ANOS1: variants seen among roughly 807,000 people sequenced by gnomAD.
The protein encoded by ANOS1 is anosmin-1.
A neutral mutation model predicts 59.0 loss-of-function variants in ANOS1; 6 were observed. The ratio of observed to expected loss-of-function variants is 0.10; its 90% CI spans 0.06 to 0.20. ANOS1 has a LOEUF of 0.20. Among genes scored for constraint, ANOS1 ranks in the 10% least tolerant of loss-of-function variants. The probability of loss-of-function intolerance (pLI) is 1.00; values close to 1 mark genes in which losing one functional copy is unlikely to be tolerated. For synonymous variants in ANOS1, 217 were observed against 223.4 expected (o/e 0.97, Z 0.25); for missense variants, 433 against 542.3 (o/e 0.80, Z 2.00).
intron 8 of ANOS1, among the ~76,000 whole-genome samples, chrX:8,564,350 A>T (rs909073528): frequency 1.5e-4 from 17 of 111,828 alleles, no homozygotes; most frequent in African/African-American, 5.5e-4. Context: ...TTGAGAAAAA[A>T]TGTGGAAAGG....
chrX:8,676,870 C>A (rs887220265), intron 2 of ANOS1, among the ~76,000 whole-genome samples: 1 of 111,778 alleles, frequency 8.9e-6, no homozygotes, highest in African/African-American at 3.3e-5. Flanking sequence ...ACAATCATAA[C>A]CTCAGAAACT....
In ANOS1 at chrX:8,535,590, C is replaced by T. The variant is rs774780304; in HGVS notation, c.1842+1G>A. On this transcript the variant is annotated splice_donor_variant, in intron 12 of 13. Transcript: ENST00000262648. LOFTEE classifies it high-confidence loss of function. ...GACATAGTACAAGAGGTGGGACCTA[C>T]GGAAGGCAGGATCTGGGACTGTGAA... 5.0e-6 allele frequency: 6 copies of T among 1,194,087 alleles called. No homozygotes were observed. The highest frequency in any genetic ancestry group is 2.2e-5 in the Admixed American group (1 of 46,023).
chrX:8,723,846 G>A (rs1325489157), intron 1 of ANOS1, among the ~76,000 whole-genome samples: 2 of 111,631 alleles, frequency 1.8e-5, no homozygotes. Context: ...GACCTGCCAT[G>A]TAGTACTGTC....
At chrX:8,581,787 C>A (rs2146814884) in intron 6 of ANOS1, among the ~76,000 whole-genome samples, 1 of 111,944 alleles carries the variant, frequency 8.9e-6, no homozygotes, top group Non-Finnish European at 1.9e-5. Flanking sequence ...AACTTCCATA[C>A]CATAAAATTG....
At chrX:8,610,156 A>T (rs371932467) in intron 3 of ANOS1, among the ~76,000 whole-genome samples, 2 of 110,627 alleles carry the variant, frequency 1.8e-5, no homozygotes. Flanking sequence ...GGCTGATAAC[A>T]TCACTTATAA....
chrX:8,684,736 G>T (rs1440436466), intron 2 of ANOS1, among the ~76,000 whole-genome samples: 1 of 108,263 alleles, frequency 9.2e-6, no homozygotes, highest in Non-Finnish European at 1.9e-5. Flanking sequence ...TAATAGTCCC[G>T]AAGCCATTGT....
At chrX:8,672,469 G>A (rs1212669734) in intron 2 of ANOS1, among the ~76,000 whole-genome samples, 2 of 112,622 alleles carry the variant, frequency 1.8e-5, no homozygotes, top group Non-Finnish European at 3.8e-5. Flanking sequence ...AACCACACAA[G>A]AGAGTTTCCT....
chrX:8,544,082 T>C (rs1929728125), intron 9 of ANOS1, among the ~76,000 whole-genome samples: 1 of 109,397 alleles, frequency 9.1e-6, no homozygotes, highest in Admixed American at 9.8e-5. Flanking sequence ...ATGGGTCTAA[T>C]TTTCTTTTCA....
intron 6 of ANOS1, among the ~76,000 whole-genome samples, chrX:8,572,723 T>C (rs1267230078): frequency 1.8e-5 from 2 of 111,947 alleles, no homozygotes; most frequent in Non-Finnish European, 3.8e-5. Context: ...ATCTCTGGAA[T>C]GTCCAAGACT....
At chrX:8,607,349 T>A (rs902555856) in intron 3 of ANOS1, among the ~76,000 whole-genome samples, 2 of 112,026 alleles carry the variant, frequency 1.8e-5, no homozygotes, top group African/African-American at 6.5e-5. Flanking sequence ...ATTATAGACA[T>A]TGGCCATGGA....
In ANOS1 at chrX:8,638,683, G is replaced by A. The variant is rs771084526; in HGVS notation, c.256-15013C>T. On this transcript the variant is annotated intron_variant, in intron 2 of 13. Coordinates refer to ENST00000262648, the MANE Select transcript of ANOS1 (RefSeq NM_000216.4). ...AACCAGGCAAAAGCAGGTGGGATGA[G>A]AGAAGAGTATGTTCCAGATAGATTT... 3.6e-5 allele frequency among the ~76,000 whole-genome samples: 4 copies of A among 112,229 alleles called. No homozygotes were observed. In the South Asian group the frequency reaches 1.5e-3, roughly 42 times the overall value.
intron 2 of ANOS1, among the ~76,000 whole-genome samples, chrX:8,690,127 A>G (rs780528030): frequency 6.2e-5 from 7 of 112,403 alleles, no homozygotes; most frequent in African/African-American, 2.3e-4. Context: ...TAAAGACATG[A>G]TCTCATGTAA....
chrX:8,617,304 T>C (rs1164820539), intron 3 of ANOS1, among the ~76,000 whole-genome samples: 2 of 112,303 alleles, frequency 1.8e-5, no homozygotes, highest in Admixed American at 1.9e-4. Context: ...TTTTAAGACA[T>C]AAAACCAGTT....
Position 8,530,473 on chromosome X carries a change from C to T in ANOS1, c.*2522G>A, listed in dbSNP as rs1263968540. The T allele has an allele frequency of 1.8e-5, 2 of 111,293 alleles. No homozygotes were observed. The highest frequency in any genetic ancestry group is 3.8e-5 in the Non-Finnish European group (2 of 52,996). 9.2% of individuals were successfully genotyped at this position (111,293 alleles called of 1,213,427 possible). A position where few individuals can be genotyped will look rare whatever the true frequency, so the allele number is the denominator to read the frequency against. The stretch of plus-strand genomic sequence containing the variant: ...TATATTTTTGATCATTTGAATAATA[C>T]TGGAGCTTATTAAAATCCATAAGAG... On this transcript the variant is annotated 3_prime_UTR_variant, in exon 14 of 14. Coordinates refer to ENST00000262648, the MANE Select transcript of ANOS1 (RefSeq NM_000216.4).
At chrX:8,632,173 G>A (rs753913262) in intron 2 of ANOS1, among the ~76,000 whole-genome samples, 2 of 112,141 alleles carry the variant, frequency 1.8e-5, no homozygotes, top group Non-Finnish European at 3.8e-5. Flanking sequence ...AAAGAGCACT[G>A]AGTTTTAGAT....
At chrX:8,680,336 T>C (rs1055864903) in intron 2 of ANOS1, among the ~76,000 whole-genome samples, 3 of 106,913 alleles carry the variant, frequency 2.8e-5, no homozygotes, top group African/African-American at 1.1e-4. Context: ...TATGGTGTGA[T>C]TTTTTTACCA....
chrX:8,635,717 A>AAC (rs1281619578), intron 2 of ANOS1, among the ~76,000 whole-genome samples: 1 of 112,252 alleles, frequency 8.9e-6, no homozygotes, highest in Non-Finnish European at 1.9e-5. Flanking sequence ...CAGAAAGTGT[A>AAC]ACACACACAC....
intron 2 of ANOS1, among the ~76,000 whole-genome samples, chrX:8,639,818 T>G (rs1207703127): frequency 8.9e-6 from 1 of 112,043 alleles, no homozygotes; most frequent in Non-Finnish European, 1.9e-5. Context: ...TCCCATGAAG[T>G]GATAAGCTTC....
chrX:8,624,426 A>G (rs1403519858), intron 2 of ANOS1, among the ~76,000 whole-genome samples: 1 of 111,948 alleles, frequency 8.9e-6, no homozygotes, highest in Non-Finnish European at 1.9e-5. Context: ...ACACTCTTCT[A>G]CAAGTGAAAA....
Sources: allele counts gnomAD v4.1 joint callset (sites outside exome capture counted in the v4.1 genomes callset), GRCh38; gene constraint gnomAD v4.1.1; transcripts MANE v1.5; gene names NCBI Gene and HGNC (gene_info 2026-07-23, HGNC 2026-07-21).